SF3A1: variants seen among roughly 807,000 people sequenced by gnomAD.
SF3A1 encodes splicing factor 3a subunit 1.
Under a neutral mutation model 89.9 loss-of-function variants are expected in SF3A1, and 13 were observed. The ratio of observed to expected loss-of-function variants is 0.14; its 90% CI spans 0.09 to 0.23. SF3A1 has a LOEUF of 0.23. Among genes scored for constraint, SF3A1 ranks in the 10% least tolerant of loss-of-function variants. SF3A1 has a pLI of 1.00. For missense variants in SF3A1, 604 were observed against 1,022.1 expected (o/e 0.59, Z 5.58); for synonymous variants, 405 against 374.4 (o/e 1.08, Z -0.94).
In SF3A1 at chr22:30,341,239, C is replaced by T. The variant is rs564914745; in HGVS notation, c.1072-427G>A. ...TCTCAGGCTGTGCACAAATTATTTCCGAGTGGGGGAGAACAGTCTGGTTCT... is the reference window on the plus strand; with the variant it reads ...TCTCAGGCTGTGCACAAATTATTTCTGAGTGGGGGAGAACAGTCTGGTTCT... On this transcript the variant is annotated intron_variant, in intron 7 of 15. Transcript: ENST00000215793. Among the ~76,000 whole-genome samples the T allele has an allele frequency of 4.6e-5, 7 of 152,272 alleles. No homozygotes were observed. In the South Asian group the frequency reaches 8.3e-4, roughly 18 times the overall value.
At chr22:30,350,495 T>C (rs1931560545) in intron 2 of SF3A1, among the ~76,000 whole-genome samples, 1 of 151,904 alleles carries the variant, frequency 6.6e-6, no homozygotes, top group Middle Eastern at 3.4e-3. Flanking sequence ...AAAAGAAATG[T>C]TGGAAACCTC....
In SF3A1 at chr22:30,334,163, G is replaced by A. The variant is rs867676045; in HGVS notation, c.*431C>T. ...GACAGGGCACAGGTGACCGAGACAA[G>A]TCTTATTTAACTGATTTCACAAGAA... On this transcript the variant is annotated 3_prime_UTR_variant, in exon 16 of 16. Transcript: ENST00000215793. The A allele has an allele frequency of 6.1e-6, 1 of 163,688 alleles. No homozygotes were observed. Among genetic ancestry groups the A allele is most frequent in the South Asian group, 1.6e-4 (1 of 6,146 alleles). 10.1% of individuals were successfully genotyped at this position (163,688 alleles called of 1,614,324 possible).
chr22:30,346,260 CCT>C (rs1931415300), intron 3 of SF3A1, 50 bp downstream of exon 3: 1 of 1,225,138 alleles, frequency 8.2e-7, no homozygotes. Flanking sequence ...CCTCCCTATC[CCT>C]GTTTCCCTCT....
intron 1 of SF3A1, among the ~76,000 whole-genome samples, chr22:30,353,631 G>A (rs982429431): frequency 1.3e-5 from 2 of 152,150 alleles, no homozygotes; most frequent in Admixed American, 1.3e-4. Flanking sequence ...CCCCAGTCAC[G>A]TTCCTCACGC....
intron 2 of SF3A1, among the ~76,000 whole-genome samples, chr22:30,350,243 G>A: frequency 6.6e-6 from 1 of 151,184 alleles, no homozygotes; most frequent in Non-Finnish European, 1.5e-5. Flanking sequence ...AGGATCACTT[G>A]AGGCCAGGAG....
chr22:30,342,578 G>C (rs1031077421), intron 5 of SF3A1: 4 of 627,576 alleles, frequency 6.4e-6, no homozygotes, highest in African/African-American at 5.5e-5. Context: ...CTTCTAGCTA[G>C]AGTGGAAAAG....
At chr22:30,348,551 G>A in intron 2 of SF3A1, among the ~76,000 whole-genome samples, 1 of 152,116 alleles carries the variant, frequency 6.6e-6, no homozygotes, top group Non-Finnish European at 1.5e-5. Context: ...CTGTGCCCCA[G>A]ATCAACCACC....
At position 30,335,523 on chromosome 22, in the gene SF3A1, C is replaced by A; in HGVS notation, c.2224G>T (p.Val742Leu). Residue 742 changes from valine (V) to leucine (L), a missense_variant, in exon 15 of 16, where the codon GTG (valine) becomes TTG (leucine). Physicochemically the swap from Val to Leu is conservative, Grantham distance 32. Around this residue, in one of 9 missense-constraint regions of SF3A1, gnomAD observed 74 missense variants for 141.3 expected, o/e 0.52. Transcript: ENST00000215793. ...PLTDQVSVIKVKIHEATGMPA... is the reference protein window; with the variant it reads ...PLTDQVSVIKLKIHEATGMPA... ...ATGCCTGTGGCTTCATGAATCTTCA[C>A]CTTAATGACAGAGACCTGTGGGATC... The A allele has an allele frequency of 1.2e-5, 19 of 1,614,210 alleles. No individual in the cohort carries two copies. The highest frequency in any genetic ancestry group is 1.5e-5 in the Non-Finnish European group (18 of 1,180,038).
In SF3A1 at chr22:30,337,196, T is replaced by C. The variant is rs1473456292; in HGVS notation, c.1952-16A>G. On this transcript the variant is annotated splice_polypyrimidine_tract_variant and intron_variant, in intron 12 of 15. Coordinates refer to ENST00000215793, the MANE Select transcript of SF3A1 (RefSeq NM_005877.6). Reference sequence around the variant, plus strand: ...GGCACAAAGGCTGCAAAGACAAGAATAAGCAGCCCCATGAGAGGGCAGAAG... The same window carrying C: ...GGCACAAAGGCTGCAAAGACAAGAACAAGCAGCCCCATGAGAGGGCAGAAG... 1 of 1,598,178 alleles carries C rather than the reference T, an allele frequency of 6.3e-7. No homozygotes were observed. Among genetic ancestry groups the C allele is most frequent in the South Asian group, 1.1e-5 (1 of 88,458 alleles).
At chr22:30,349,345 A>G (rs1751760856) in intron 2 of SF3A1, among the ~76,000 whole-genome samples, 1 of 152,214 alleles carries the variant, frequency 6.6e-6, no homozygotes, top group South Asian at 2.1e-4. Context: ...CAGTGGCACA[A>G]TCTTGGCTCA....
At chr22:30,341,259 G>A (rs1435666518) in intron 7 of SF3A1, among the ~76,000 whole-genome samples, 1 of 152,194 alleles carries the variant, frequency 6.6e-6, no homozygotes, top group Non-Finnish European at 1.5e-5. Flanking sequence ...AGAACAGTCT[G>A]GTTCTGGAGA....
chr22:30,356,696 T>C, intron 1 of SF3A1, 34 bp downstream of exon 1: 3 of 1,444,636 alleles, frequency 2.1e-6, no homozygotes, highest in Non-Finnish European at 2.8e-6. Flanking sequence ...AGGCCAACCC[T>C]CCGGCTGCAG....
At position 30,337,112 on chromosome 22, in the gene SF3A1, G is replaced by C. The variant is rs372715582; in HGVS notation, c.2020C>G (p.Pro674Ala). Reference sequence around the variant, plus strand: ...GAGGTGGGCTCATCTTCCATGGGAGGTGGGGGATGCACAGGGGGCATTGGG... The same window carrying C: ...GAGGTGGGCTCATCTTCCATGGGAGCTGGGGGATGCACAGGGGGCATTGGG... Reference protein sequence around the residue: ...PAPMPPVHPPPPMEDEPTSKK... With the variant: ...PAPMPPVHPPAPMEDEPTSKK... Residue 674 changes from proline (P) to alanine (A), a missense_variant, in exon 13 of 16, where the codon CCT (proline) becomes GCT (alanine). Transcript: ENST00000215793. The C allele has an allele frequency of 1.2e-4, 194 of 1,613,982 alleles. No individual in the cohort carries two copies. The highest frequency in any genetic ancestry group is 1.5e-4 in the Non-Finnish European group (182 of 1,179,970).
Position 30,356,861 on chromosome 22 carries a change from C to T in SF3A1, c.-69G>A, listed in dbSNP as rs1232379846. ...GCGGTGCCGCCTCAAGACAGCCTCC[C>T]CGCTCGGTCAGTACGACGAGCTCGC... On this transcript the variant is annotated 5_prime_UTR_variant, in exon 1 of 16. Transcript: ENST00000215793. 1.6e-6 allele frequency: 2 copies of T among 1,237,698 alleles called. No individual in the cohort carries two copies. Among genetic ancestry groups the T allele is most frequent in the South Asian group, 2.6e-5 (1 of 38,360 alleles). 76.7% of individuals were successfully genotyped at this position (1,237,698 alleles called of 1,614,324 possible).
intron 9 of SF3A1, among the ~76,000 whole-genome samples, chr22:30,339,685 G>A (rs185870313): frequency 2.6e-3 from 400 of 152,342 alleles, no homozygotes; most frequent in Non-Finnish European, 4.2e-3. Context: ...GAACGTGAGA[G>A]GCGGAAGTTG....
At chr22:30,338,047 T>G (rs1204860414) in intron 11 of SF3A1, 150 bp from the exon 12 acceptor site, 10 of 699,014 alleles carry the variant, frequency 1.4e-5, no homozygotes, top group Non-Finnish European at 2.1e-5. Flanking sequence ...TGGCCTACAC[T>G]GGGCGTCCAA....
intron 2 of SF3A1, among the ~76,000 whole-genome samples, chr22:30,347,138 T>C (rs950977815): frequency 2.0e-5 from 3 of 151,976 alleles, no homozygotes; most frequent in Admixed American, 2.0e-4. Context: ...CAAAAAAATA[T>C]AAAAATAAAT....
intron 2 of SF3A1, among the ~76,000 whole-genome samples, chr22:30,351,999 G>A (rs1931609954): frequency 6.6e-6 from 1 of 152,238 alleles, no homozygotes; most frequent in Non-Finnish European, 1.5e-5. Context: ...AGTGGGGAGA[G>A]ACAGGGGGAA....
intron 1 of SF3A1, 60 bp downstream of exon 1, chr22:30,356,670 C>A (rs540543809): frequency 8.5e-6 from 11 of 1,296,670 alleles, no homozygotes; most frequent in African/African-American, 3.1e-5. Flanking sequence ...TATTCCTGTG[C>A]GAGTAAGGAG....
Sources: gnomAD v4.1 joint callset for allele counts (sites outside exome capture counted in the v4.1 genomes callset) on GRCh38, gnomAD v4.1.1 for gene constraint, gnomAD v4.1.1 regional missense constraint, MANE v1.5 for transcripts, NCBI Gene and HGNC (gene_info 2026-07-23, HGNC 2026-07-21) for gene names.